The following CCDC59 variants were observed in gnomAD, a reference collection of about 807,000 sequenced individuals.
The protein encoded by CCDC59 is thyroid transcription factor 1-associated protein 26.
In CCDC59, 27 loss-of-function variants were observed where a neutral mutation model predicts 30.5. The observed-to-expected ratio is 0.89, with a 90% CI of 0.65 to 1.22. CCDC59 has a LOEUF of 1.22. CCDC59 is among the 50% of genes most tolerant of loss of function. The pLI, the probability that CCDC59 is intolerant of heterozygous loss-of-function variation, is 0.00. For synonymous variants in CCDC59, 125 were observed against 100.9 expected, an observed-to-expected ratio of 1.24 and a Z score of -1.43; for missense variants, 362 against 284.4, an observed-to-expected ratio of 1.27 and a Z score of -1.96.
intron 2 of CCDC59, among the ~76,000 whole-genome samples, chr12:82,356,630 G>A (rs929855898): frequency 5.3e-5 from 8 of 152,156 alleles, no homozygotes; most frequent in Non-Finnish European, 1.2e-4. Flanking sequence ...TACTGTTAAT[G>A]ACTAAAATTA....
chr12:82,354,349 T>C (rs1181584128), intron 3 of CCDC59, 146 bp downstream of exon 3: 13 of 529,692 alleles, frequency 2.5e-5, no homozygotes, highest in Non-Finnish European at 3.4e-5. Flanking sequence ...TGCAATCCTC[T>C]ACCTTTGCTC....
chr12:82,358,202 A>C, intron 1 of CCDC59, 21 bp downstream of exon 1: 2 of 1,614,048 alleles, frequency 1.2e-6, no homozygotes, highest in Non-Finnish European at 1.7e-6. Context: ...AGGATTTGCA[A>C]ATGGTTGCCT....
intron 1 of CCDC59, among the ~76,000 whole-genome samples, chr12:82,357,805 C>T (rs879154813): frequency 6.6e-6 from 1 of 152,124 alleles, no homozygotes. Context: ...GACAGCAATA[C>T]AAAATGACAA....
At chr12:82,357,362 G>C (rs536951247) in intron 1 of CCDC59, 93 bp from the exon 2 acceptor site, 6 of 994,420 alleles carry the variant, frequency 6.0e-6, no homozygotes, top group Non-Finnish European at 8.9e-6. Context: ...CTTTTTTTAC[G>C]TCATCACATT....
intron 1 of CCDC59, 70 bp downstream of exon 1, chr12:82,358,153 G>A: frequency 6.3e-7 from 1 of 1,575,614 alleles, no homozygotes; most frequent in Non-Finnish European, 8.7e-7. Context: ...CTTCTTCCAA[G>A]CTTCAGCGAA....
chr12:82,357,620 G>GCC (rs1881138476), intron 1 of CCDC59, among the ~76,000 whole-genome samples: 1 of 151,946 alleles, frequency 6.6e-6, no homozygotes, highest in African/African-American at 2.4e-5. Flanking sequence ...TTCAATAAAT[G>GCC]CTTAAAAAAT....
chr12:82,353,979 A>AATT (rs547589600), intron 3 of CCDC59, among the ~76,000 whole-genome samples: 5 of 151,736 alleles, frequency 3.3e-5, no homozygotes, highest in Non-Finnish European at 5.9e-5. Context: ...TGGTTTTCTA[A>AATT]ATAATAGAGT....
intron 2 of CCDC59, 150 bp downstream of exon 2, chr12:82,356,810 T>C: frequency 6.6e-6 from 4 of 608,556 alleles, no homozygotes; most frequent in Non-Finnish European, 1.1e-5. Context: ...AAGCTAAAAA[T>C]AGAGCCTCCA....
At chr12:82,354,770 TAAAA>T in intron 2 of CCDC59, 176 bp from the exon 3 acceptor site, 2 of 401,498 alleles carry the variant, frequency 5.0e-6, no homozygotes, top group Non-Finnish European at 4.1e-6. Context: ...CCTAAAATGT[TAAAA>T]AAAAAAACTT....
At chr12:82,358,773 G>T, upstream of CCDC59, 1 of 1,613,954 alleles carries the variant, frequency 6.2e-7, no homozygotes, top group South Asian at 1.1e-5. Flanking sequence ...GTCGGAGACG[G>T]AGGCCCTGCC....
chr12:82,353,441 T>C (rs1232832905), intron 3 of CCDC59, 129 bp from the exon 4 acceptor site: 1 of 665,370 alleles, frequency 1.5e-6, no homozygotes. Context: ...AGATGTGCAC[T>C]GTTTCTCCTA....
At chr12:82,358,582 C>T (rs767520970), upstream of CCDC59, 23 of 1,611,988 alleles carry the variant, frequency 1.4e-5, no homozygotes, top group South Asian at 2.2e-4. Context: ...GCTTCTTGCC[C>T]TCTCCCGGTG....
chr12:82,358,679 C>T (rs1881300543), upstream of CCDC59: 3 of 1,614,076 alleles, frequency 1.9e-6, no homozygotes, highest in Middle Eastern at 1.6e-4. Flanking sequence ...ATGCACATAC[C>T]GTGGATTTCT....
At chr12:82,358,160 C>A in intron 1 of CCDC59, 63 bp downstream of exon 1, 2 of 1,587,480 alleles carry the variant, frequency 1.3e-6, no homozygotes, top group East Asian at 2.2e-5. Flanking sequence ...CAAGCTTCAG[C>A]GAATCTTATA....
At position 82,357,166 on chromosome 12, in the gene CCDC59, T is replaced by C; in HGVS notation, c.258A>G (p.Thr86=). The change falls in exon 2 of 4, where the codon ACA becomes ACG. Residue 86 remains threonine (T), a synonymous_variant. Transcript: ENST00000256151. ...GTTTCAGATTATCTGGGTATCGATC[T>C]GTGAATTGAGATTCCAGTGACGTTT... is the stretch of plus-strand genomic sequence containing the variant. ...KAQTSLESQF[T]DRYPDNLKHL... 6.2e-7 allele frequency: 1 copy of C among 1,614,158 alleles called. No homozygotes were observed. Among genetic ancestry groups the C allele is most frequent in the Non-Finnish European group, 8.5e-7 (1 of 1,179,974 alleles).
upstream of CCDC59, chr12:82,358,478 C>A (rs1881250263): frequency 6.3e-7 from 1 of 1,595,934 alleles, no homozygotes; most frequent in South Asian, 1.1e-5. Context: ...CGGCTCGGAG[C>A]TCTACTGAGC....
rs1881056648 is a variant in CCDC59 at position 82,356,955 on chromosome 12, C to T, written c.464+5G>A. The T allele has an allele frequency of 1.3e-6, 2 of 1,588,588 alleles. No individual in the cohort carries two copies. Among genetic ancestry groups the T allele is most frequent in the Admixed American group, 1.7e-5 (1 of 58,926 alleles). On this transcript the variant is annotated splice_donor_5th_base_variant and intron_variant, in intron 2 of 3. Coordinates refer to ENST00000256151, the MANE Select transcript of CCDC59 (RefSeq NM_014167.5). ...TAAAGGATTTCAAATGAAGAAAATACATACTTTACTGTTTTAATACATTGT... is the reference window on the plus strand; with the variant it reads ...TAAAGGATTTCAAATGAAGAAAATATATACTTTACTGTTTTAATACATTGT...
At chr12:82,358,616 T>C (rs558763089), upstream of CCDC59, 1 of 1,613,826 alleles carries the variant, frequency 6.2e-7, no homozygotes, top group African/African-American at 1.3e-5. Context: ...CCACGCTGCG[T>C]GCCAAGTTGC....
rs1333008950 is a variant in CCDC59, at chr12:82,353,428, G to C, written c.565-116C>G. ...CTCTAAGGTTTGTCTCTTCTATTTTGCAAGATGTGCACTGTTTCTCCTAAT... is the reference window on the plus strand; with the variant it reads ...CTCTAAGGTTTGTCTCTTCTATTTTCCAAGATGTGCACTGTTTCTCCTAAT... On this transcript the variant is annotated intron_variant, in intron 3 of 3. Transcript: ENST00000256151. The C allele has an allele frequency of 5.3e-6, 4 of 752,592 alleles. No homozygotes were observed. In the East Asian group the frequency reaches 8.3e-5, roughly 16 times the overall value. The allele number at this position is 752,592 out of a possible 1,614,324, so 46.6% of individuals were successfully genotyped here. A position where few individuals can be genotyped will look rare whatever the true frequency, so the allele number is the denominator to read the frequency against.
Sources: allele counts gnomAD v4.1 joint callset (sites outside exome capture counted in the v4.1 genomes callset), GRCh38; gene constraint gnomAD v4.1.1; transcripts MANE v1.5; gene names NCBI Gene and HGNC (gene_info 2026-07-23, HGNC 2026-07-21).